SPIRE1: variants seen among roughly 807,000 people sequenced by gnomAD.
The protein encoded by SPIRE1 is spire type actin nucleation factor 1, also known as protein spire homolog 1.
SPIRE1 carries 40 observed loss-of-function variants against 94.1 expected under a neutral mutation model. That is an observed-to-expected ratio of 0.43 (90% CI 0.33 to 0.55). The LOEUF is 0.55. SPIRE1 is among the 20% of genes least tolerant of loss of function. SPIRE1 has a pLI of 0.06. For synonymous variants in SPIRE1, 376 were observed against 371.7 expected (o/e 1.01, Z -0.13); for missense variants, 838 against 975.2 (o/e 0.86, Z 1.87).
In SPIRE1 at chr18:12,559,059, G is replaced by A. The variant is rs549956052; in HGVS notation, c.373-12155C>T. Among the ~76,000 whole-genome samples, 195 of 152,238 alleles carry A rather than the reference G, an allele frequency of 1.3e-3. No homozygotes were observed. Among genetic ancestry groups the A allele is most frequent in the Non-Finnish European group, 2.3e-3 (156 of 67,990 alleles). ...ACCAGGGCGGCGGGCAGAGGTGCCC[G>A]CCAGTCCCGTGCCACGTGCCTGCAC... On this transcript the variant is annotated intron_variant, in intron 2 of 16. Coordinates refer to ENST00000409402, the MANE Select transcript of SPIRE1 (RefSeq NM_001128626.2). The surrounding 1 kb of genome is among the most constrained non-coding windows in gnomAD (Gnocchi z 4.7).
intron 2 of SPIRE1, among the ~76,000 whole-genome samples, chr18:12,594,864 T>C (rs1481965806): frequency 6.6e-6 from 1 of 152,194 alleles, no homozygotes; most frequent in African/African-American, 2.4e-5. Context: ...ATCCCTCCAC[T>C]TCCTCAGACT....
chr18:12,535,450 A>C, intron 4 of SPIRE1, 26 bp downstream of exon 4: 1 of 1,589,876 alleles, frequency 6.3e-7, no homozygotes, highest in South Asian at 1.1e-5. Context: ...AACAATGCCA[A>C]TAAATATCAA....
intron 2 of SPIRE1, among the ~76,000 whole-genome samples, chr18:12,564,469 C>CA (rs1386513298): frequency 6.6e-6 from 1 of 151,982 alleles, no homozygotes; most frequent in African/African-American, 2.4e-5. Flanking sequence ...AAGTAAAAAA[C>CA]AAAAAACAGT....
chr18:12,631,724 G>A (rs1406930300), intron 2 of SPIRE1, among the ~76,000 whole-genome samples: 1 of 152,118 alleles, frequency 6.6e-6, no homozygotes, highest in African/African-American at 2.4e-5. Context: ...AATTAGCCGG[G>A]CATCATGGCG....
At chr18:12,649,095 C>G (rs185947807) in intron 1 of SPIRE1, among the ~76,000 whole-genome samples, 22 of 152,114 alleles carry the variant, frequency 1.4e-4, no homozygotes, top group Admixed American at 1.2e-3. Flanking sequence ...TTCAACTTTT[C>G]TGTAAATCTA....
intron 2 of SPIRE1, among the ~76,000 whole-genome samples, chr18:12,593,438 T>C (rs1446598606): frequency 6.6e-6 from 1 of 152,264 alleles, no homozygotes; most frequent in African/African-American, 2.4e-5. Context: ...GTTGCTGTTA[T>C]TATGCTTATC....
chr18:12,454,273 C>A, intron 13 of SPIRE1, 73 bp downstream of exon 13: 1 of 1,561,912 alleles, frequency 6.4e-7, no homozygotes, highest in Non-Finnish European at 8.8e-7. Flanking sequence ...TAGCAGATAA[C>A]TCTCCCAGGA....
chr18:12,634,536 C>T (rs76195638), intron 2 of SPIRE1, among the ~76,000 whole-genome samples: 11,130 of 152,054 alleles, frequency 0.073, 571 homozygotes, highest in Non-Finnish European at 0.11. Flanking sequence ...GATAATTAAG[C>T]TATTCTTTAT....
At position 12,605,651 on chromosome 18, in the gene SPIRE1, T is replaced by C. The variant is rs956125296; in HGVS notation, c.372+29411A>G. On this transcript the variant is annotated intron_variant, in intron 2 of 16. Coordinates refer to ENST00000409402, the MANE Select transcript of SPIRE1 (RefSeq NM_001128626.2). Reference sequence around the variant, plus strand: ...ACGTGGTTTTAAAAAAATTACCACATGCATTACTGATTATTGAAATGAAAC... The same window carrying C: ...ACGTGGTTTTAAAAAAATTACCACACGCATTACTGATTATTGAAATGAAAC... Among the ~76,000 whole-genome samples the C allele has an allele frequency of 3.2e-4, 49 of 152,338 alleles. No homozygotes were observed. The Middle Eastern group carries it at 0.01, about 32-fold the overall frequency.
upstream of SPIRE1, chr18:12,658,457 A>G (rs2038625280): frequency 2.3e-6 from 1 of 434,368 alleles, no homozygotes; most frequent in Non-Finnish European, 4.8e-6. Flanking sequence ...CGCAGGGGCA[A>G]GAGGGTGTCG....
chr18:12,521,336 C>CT (rs377466869), intron 4 of SPIRE1, among the ~76,000 whole-genome samples: 25,123 of 143,380 alleles, frequency 0.18, 2,328 homozygotes, highest in Admixed American at 0.25. Context: ...ATAGCAGATA[C>CT]TTTTTTTTTT....
intron 2 of SPIRE1, among the ~76,000 whole-genome samples, chr18:12,574,091 T>C (rs1342561456): frequency 6.6e-6 from 1 of 152,202 alleles, no homozygotes; most frequent in Non-Finnish European, 1.5e-5. Context: ...ATGTACTACA[T>C]GAACAACATT....
At chr18:12,472,475 C>T (rs2032400079) in intron 10 of SPIRE1, among the ~76,000 whole-genome samples, 1 of 150,890 alleles carries the variant, frequency 6.6e-6, no homozygotes, top group Non-Finnish European at 1.5e-5. Flanking sequence ...TTAGGTGATC[C>T]TCCCACCTCA....
In SPIRE1 at chr18:12,496,024, AAGG is replaced by A; in HGVS notation, c.1048_1050del (p.Pro350del). 1 of 1,608,898 alleles carries A rather than the reference AAGG, an allele frequency of 6.2e-7. No homozygotes were observed. Among genetic ancestry groups the A allele is most frequent in the Non-Finnish European group, 8.5e-7 (1 of 1,175,218 alleles). On this transcript the variant is annotated inframe_deletion, in exon 7 of 17. Coordinates refer to ENST00000409402, the MANE Select transcript of SPIRE1 (RefSeq NM_001128626.2). Reference sequence around the variant, plus strand: ...TATGTCGAATTACATACTGGATTTAAAGGAGGTCTGGATCTGATGAAGTCGAGG... The same window carrying A: ...TATGTCGAATTACATACTGGATTTAAAGGTCTGGATCTGATGAAGTCGAGG...
At chr18:12,565,757 C>T (rs1003805726) in intron 2 of SPIRE1, among the ~76,000 whole-genome samples, 4 of 120,814 alleles carry the variant, frequency 3.3e-5, no homozygotes, top group Non-Finnish European at 7.7e-5. Context: ...AGTTCTTGGC[C>T]GGGCGCGGTG....
intron 1 of SPIRE1, among the ~76,000 whole-genome samples, chr18:12,643,047 C>T (rs571768274): frequency 6.6e-6 from 1 of 152,094 alleles, no homozygotes; most frequent in African/African-American, 2.4e-5. Context: ...AAACTCATTA[C>T]AAAAAGATAT....
chr18:12,460,016 ATTACAGATCACAAAAGG>A, intron 12 of SPIRE1: 1 of 574,908 alleles, frequency 1.7e-6, no homozygotes, highest in Non-Finnish European at 2.2e-6. Context: ...ACACATAGTG[ATTACAGATCACAAAAGG>A]AAAACAAAAC....
At chr18:12,593,953 G>GAAA (rs71371279) in intron 2 of SPIRE1, among the ~76,000 whole-genome samples, 1 of 144,670 alleles carries the variant, frequency 6.9e-6, no homozygotes. Context: ...GCTGTCTCAA[G>GAAA]AAAAAAAAAA....
At chr18:12,486,508 T>C (rs12607907) in intron 8 of SPIRE1, among the ~76,000 whole-genome samples, 12,039 of 152,234 alleles carry the variant, frequency 0.079, 855 homozygotes, top group African/African-American at 0.18. Flanking sequence ...TATGTGTTAA[T>C]AAACTATCTA....
Sources: allele counts gnomAD v4.1 joint callset (sites outside exome capture counted in the v4.1 genomes callset), GRCh38; gene constraint gnomAD v4.1.1; non-coding constraint Gnocchi (gnomAD v3.1); transcripts MANE v1.5; gene names NCBI Gene and HGNC (gene_info 2026-07-23, HGNC 2026-07-21).